The following SP140L variants were observed in gnomAD, a reference collection of about 807,000 sequenced individuals.
The protein encoded by SP140L is nuclear body protein SP140-like protein.
SP140L carries 64 observed loss-of-function variants against 84.3 expected under a neutral mutation model. The observed-to-expected ratio is 0.76, with a 90% CI of 0.62 to 0.94. SP140L has a LOEUF of 0.94. SP140L is among the 40% of genes least tolerant of loss of function. SP140L has a pLI of 0.00. For synonymous variants in SP140L, 242 were observed against 236.9 expected (o/e 1.02, Z -0.20); for missense variants, 628 against 692.5 (o/e 0.91, Z 1.05).
In SP140L at chr2:230,396,519, G is replaced by A. The variant is rs6732477; in HGVS notation, c.1156-238G>A. Reference sequence around the variant, plus strand: ...AAGATGCTAATTAGAGGTAGATGACGGATTCCAGTTGGTAAATTCTCTAGT... The same window carrying A: ...AAGATGCTAATTAGAGGTAGATGACAGATTCCAGTTGGTAAATTCTCTAGT... On this transcript the variant is annotated intron_variant, in intron 13 of 18. Coordinates refer to ENST00000415673, the MANE Select transcript of SP140L (RefSeq NM_138402.6). Among the ~76,000 whole-genome samples the A allele has an allele frequency of 3.6e-3, 552 of 152,246 alleles. 4 individuals are homozygous for A. Among genetic ancestry groups the A allele is most frequent in the African/African-American group, 0.013 (525 of 41,526 alleles).
chr2:230,336,557 C>A (rs1412608700), intron 2 of SP140L, among the ~76,000 whole-genome samples: 2 of 152,182 alleles, frequency 1.3e-5, no homozygotes. Flanking sequence ...AGAGTGAGTA[C>A]TCAGAAATGT....
At chr2:230,354,996 A>G (rs2060500795) in intron 2 of SP140L, among the ~76,000 whole-genome samples, 1 of 152,152 alleles carries the variant, frequency 6.6e-6, no homozygotes, top group Non-Finnish European at 1.5e-5. Context: ...AAGGTCTAAC[A>G]GACATCACAC....
intron 2 of SP140L, among the ~76,000 whole-genome samples, chr2:230,353,482 A>G (rs540172415): frequency 7.3e-4 from 111 of 152,224 alleles, no homozygotes; most frequent in Non-Finnish European, 1.4e-3. Context: ...ATTGTTTTGC[A>G]ATGCCCATAA....
At chr2:230,348,846 C>G (rs1405461945) in intron 2 of SP140L, among the ~76,000 whole-genome samples, 1 of 152,134 alleles carries the variant, frequency 6.6e-6, no homozygotes, top group East Asian at 1.9e-4. Context: ...GCCATTTTTG[C>G]TCTTTTAGAA....
At position 230,361,469 on chromosome 2, in the gene SP140L, T is replaced by C. The variant is rs1575478267; in HGVS notation, c.440-145T>C. 1.2e-5 allele frequency: 8 copies of C among 673,552 alleles called. No homozygotes were observed. In the East Asian group the frequency reaches 2.2e-4, roughly 18 times the overall value. 41.7% of individuals were successfully genotyped at this position (673,552 alleles called of 1,614,324 possible). A position where few individuals can be genotyped will look rare whatever the true frequency, so the allele number is the denominator to read the frequency against. On this transcript the variant is annotated intron_variant, in intron 4 of 18. Transcript: ENST00000415673. ...AAAAGCTCATTGTTGAGGTCATCTC[T>C]TCTCTGTCCCAGAAGATGATAGGAG...
intron 1 of SP140L, 39 bp downstream of exon 1, chr2:230,327,340 G>A (rs1391464443): frequency 6.3e-7 from 1 of 1,597,356 alleles, no homozygotes; most frequent in South Asian, 1.1e-5. Flanking sequence ...TTTATCTCTG[G>A]CAGTATTGGA....
chr2:230,348,134 C>T (rs1054052848), intron 2 of SP140L, among the ~76,000 whole-genome samples: 2 of 152,218 alleles, frequency 1.3e-5, no homozygotes, highest in Non-Finnish European at 2.9e-5. Flanking sequence ...GGAAAACCCT[C>T]TTGATATGGC....
intron 2 of SP140L, among the ~76,000 whole-genome samples, chr2:230,330,558 G>A (rs552950410): frequency 1.3e-5 from 2 of 152,276 alleles, no homozygotes; most frequent in East Asian, 1.9e-4. Context: ...GAAGAGAGCC[G>A]ACATATTTAC....
At chr2:230,395,958 G>A (rs6731825) in intron 13 of SP140L, among the ~76,000 whole-genome samples, 106,705 of 152,176 alleles carry the variant, frequency 0.7, 38,089 homozygotes, top group Non-Finnish European at 0.75. Context: ...CACCAGGGCT[G>A]TGTCCCTAGG....
chr2:230,382,350 G>C (rs1448429351), intron 7 of SP140L, among the ~76,000 whole-genome samples: 1 of 152,020 alleles, frequency 6.6e-6, no homozygotes, highest in African/African-American at 2.4e-5. Context: ...AAGGATCCAG[G>C]GTAGTTCTGA....
intron 13 of SP140L, among the ~76,000 whole-genome samples, chr2:230,395,262 G>A (rs2061999543): frequency 6.6e-6 from 1 of 152,104 alleles, no homozygotes; most frequent in African/African-American, 2.4e-5. Flanking sequence ...AATTCCAATG[G>A]CATTACAGAA....
chr2:230,392,591 A>G (rs1419013892), intron 12 of SP140L, among the ~76,000 whole-genome samples: 4 of 152,220 alleles, frequency 2.6e-5, no homozygotes, highest in African/African-American at 9.6e-5. Context: ...GCATGAAAAC[A>G]AGAACCATAG....
intron 2 of SP140L, 98 bp from the exon 3 acceptor site, chr2:230,357,707 G>C (rs771009800): frequency 1.7e-4 from 213 of 1,248,246 alleles, no homozygotes; most frequent in Non-Finnish European, 2.3e-4. Context: ...ATATATGTTG[G>C]TTCTTCATAG....
Position 230,401,039 on chromosome 2 carries a change from G to A in SP140L, c.1398G>A (p.Arg466=). The change falls in exon 16 of 19, where the codon AGG becomes AGA. Residue 466 remains arginine, a synonymous_variant. Coordinates refer to ENST00000415673, the MANE Select transcript of SP140L (RefSeq NM_138402.6). ...QCCQESEVLE[R]QMCPEEQLKC... ...GTCAGGAATCTGAGGTCCTGGAGAG[G>A]CAGATGTGTCCTGAGGAACAGTTGG... 7.2e-7 allele frequency: 1 copy of A among 1,394,608 alleles called. No homozygotes were observed. 86.4% of individuals were successfully genotyped at this position (1,394,608 alleles called of 1,614,324 possible). A position where few individuals can be genotyped will look rare whatever the true frequency, so the allele number is the denominator to read the frequency against.
chr2:230,400,353 A>T, intron 15 of SP140L, 111 bp downstream of exon 15: 2 of 1,091,812 alleles, frequency 1.8e-6, no homozygotes, highest in Admixed American at 2.1e-5. Flanking sequence ...GAGCAGGTTC[A>T]TCGGGTACTG....
chr2:230,344,810 G>T (rs1428105674), intron 2 of SP140L, among the ~76,000 whole-genome samples: 1 of 152,120 alleles, frequency 6.6e-6, no homozygotes, highest in Non-Finnish European at 1.5e-5. Context: ...CATTATTTAT[G>T]TATACCTTAC....
chr2:230,386,661 C>A (rs536326209), intron 9 of SP140L, among the ~76,000 whole-genome samples: 27 of 152,196 alleles, frequency 1.8e-4, no homozygotes, highest in Non-Finnish European at 2.9e-4. Flanking sequence ...GATTTAAGCT[C>A]CAGTTTGTTC....
In SP140L at chr2:230,344,993, G is replaced by A. The variant is rs151067420; in HGVS notation, c.108-12812G>A. On this transcript the variant is annotated intron_variant, in intron 2 of 18. Coordinates refer to ENST00000415673, the MANE Select transcript of SP140L (RefSeq NM_138402.6). ...GTGTTTTGCTGCTGTTCAGTGAAATGTTCTGTATATGTCTTTTAGGTCCAT... is the reference window on the plus strand; with the variant it reads ...GTGTTTTGCTGCTGTTCAGTGAAATATTCTGTATATGTCTTTTAGGTCCAT... 6.4e-4 allele frequency among the ~76,000 whole-genome samples: 98 copies of A among 152,290 alleles called. No homozygotes were observed. The East Asian group carries it at 0.018, about 28-fold the overall frequency.
Position 230,396,646 on chromosome 2 carries a change from T to C in SP140L, c.1156-111T>C, listed in dbSNP as rs930370590. The C allele has an allele frequency of 6.8e-6, 9 of 1,319,294 alleles. No homozygotes were observed. In the African/African-American group the frequency reaches 8.9e-5, roughly 13 times the overall value. The allele number at this position is 1,319,294 out of a possible 1,614,324, so 81.7% of individuals were successfully genotyped here. On this transcript the variant is annotated intron_variant, in intron 13 of 18. Coordinates refer to ENST00000415673, the MANE Select transcript of SP140L (RefSeq NM_138402.6). ...GCCTTCATCTCCTCCCAATTATTTT[T>C]TTACAACTGGTTCCTGAATCCCTTC...
Sources: gnomAD v4.1 joint callset for allele counts (sites outside exome capture counted in the v4.1 genomes callset) on GRCh38, gnomAD v4.1.1 for gene constraint, MANE v1.5 for transcripts, NCBI Gene and HGNC (gene_info 2026-07-23, HGNC 2026-07-21) for gene names.